Variants in MYO9B observed in about 807,000 individuals in gnomAD.
MYO9B encodes the protein myosin IXB.
In MYO9B, 71 loss-of-function variants were observed where a neutral mutation model predicts 229.5. That is an observed-to-expected ratio of 0.31 (90% CI 0.26 to 0.38). The LOEUF is 0.38. Among genes scored for constraint, MYO9B ranks in the 10% least tolerant of loss-of-function variants. MYO9B has a pLI of 1.00. For missense variants in MYO9B, 2,255 were observed against 2,920.5 expected (o/e 0.77, Z 5.25); for synonymous variants, 1,185 against 1,235.8 (o/e 0.96, Z 0.86).
chr19:17,085,374 C>T (rs541485214), intron 1 of MYO9B, among the ~76,000 whole-genome samples: 3 of 152,002 alleles, frequency 2.0e-5, no homozygotes, highest in South Asian at 2.1e-4. Context: ...GAGCACTCCA[C>T]GTGGAAACTA....
intron 22 of MYO9B, among the ~76,000 whole-genome samples, chr19:17,196,137 G>C (rs1376883461): frequency 2.7e-5 from 3 of 110,662 alleles, no homozygotes; most frequent in Non-Finnish European, 5.6e-5. Context: ...GAGAGGGAAG[G>C]ATGTGTGGGT....
chr19:17,196,734 C>T (rs368556546), intron 22 of MYO9B, among the ~76,000 whole-genome samples: 2 of 147,118 alleles, frequency 1.4e-5, no homozygotes, highest in Non-Finnish European at 3.0e-5. Context: ...TAGATGCCGA[C>T]GATAGATGGA....
At chr19:17,208,058 G>C (rs1199223571) in intron 35 of MYO9B, 1 of 151,210 alleles carries the variant, frequency 6.6e-6, no homozygotes, top group African/African-American at 2.4e-5. Context: ...GGTGGCATGT[G>C]CCTATAATGC....
Position 17,172,104 on chromosome 19 carries a change from C to T in MYO9B, c.1794-232C>T, listed in dbSNP as rs1464496203. The stretch of plus-strand genomic sequence containing the variant: ...GCAGGCAGGCACACCCAGATAGCAG[C>T]GTCCCAGCCCTCTGCCAGCATGTTC... On this transcript the variant is annotated intron_variant, in intron 11 of 39. Transcript: ENST00000682292. The surrounding 1 kb of genome is among the most constrained non-coding windows in gnomAD (Gnocchi z 8.2). Among the ~76,000 whole-genome samples the T allele has an allele frequency of 2.6e-5, 4 of 152,008 alleles. No homozygotes were observed. The highest frequency in any genetic ancestry group is 4.8e-5 in the African/African-American group (2 of 41,350).
At chr19:17,110,521 T>C (rs1315395984) in intron 2 of MYO9B, among the ~76,000 whole-genome samples, 1 of 152,302 alleles carries the variant, frequency 6.6e-6, no homozygotes, top group African/African-American at 2.4e-5. Flanking sequence ...CTCGGTGCCC[T>C]TCTGAGAGCA....
chr19:17,175,820 C>CATT, intron 14 of MYO9B, 79 bp downstream of exon 14: 3 of 591,694 alleles, frequency 5.1e-6, no homozygotes, highest in Non-Finnish European at 8.4e-6. Context: ...GGGAATGCTA[C>CATT]ATTCTTTTTT....
At chr19:17,210,899 A>T in intron 38 of MYO9B, 51 bp downstream of exon 38, 1 of 1,476,436 alleles carries the variant, frequency 6.8e-7, no homozygotes, top group Non-Finnish European at 9.1e-7. Context: ...GGCAAGCTGG[A>T]GTGCAGGTTC....
At chr19:17,141,200 G>A (rs2072334746) in intron 2 of MYO9B, among the ~76,000 whole-genome samples, 1 of 151,890 alleles carries the variant, frequency 6.6e-6, no homozygotes, top group South Asian at 2.1e-4. Context: ...GGAAGATCCT[G>A]TCTCTCTGTG....
intron 1 of MYO9B, among the ~76,000 whole-genome samples, 169 bp downstream of exon 1, chr19:17,076,043 C>T (rs1474201312): frequency 6.8e-6 from 1 of 147,638 alleles, no homozygotes; most frequent in East Asian, 2.0e-4. Flanking sequence ...GAGGTGGAAG[C>T]GAGACGGTGA....
chr19:17,176,144 C>T (rs928322957), intron 14 of MYO9B, among the ~76,000 whole-genome samples: 36 of 152,324 alleles, frequency 2.4e-4, no homozygotes, highest in African/African-American at 8.4e-4. Flanking sequence ...ATTCTCCTTT[C>T]TCAGCCTCCG....
chr19:17,095,096 C>T (rs1043491685), intron 1 of MYO9B, among the ~76,000 whole-genome samples: 2 of 152,032 alleles, frequency 1.3e-5, no homozygotes, highest in Admixed American at 6.6e-5. Flanking sequence ...AAAATTAGCT[C>T]GGTGTGGTGG....
At position 17,194,622 on chromosome 19, in the gene MYO9B, A is replaced by G. The variant is rs755750782; in HGVS notation, c.3195A>G (p.Ala1065=). Residue 1065 remains alanine, a synonymous_variant, in exon 22 of 40, where the codon GCA becomes GCG. Coordinates refer to ENST00000682292, the MANE Select transcript of MYO9B (RefSeq NM_004145.4). ...EEKEREALEA[A]RAGAEEGGQG... is the part of the protein sequence containing the mutation. ...AGGAGAGGGAAGCCCTGGAAGCCGC[A>G]AGAGCAGGTGCTGAGGAGGGCGGAC... 1 of 1,612,910 alleles carries G rather than the reference A, an allele frequency of 6.2e-7. No homozygotes were observed. Among genetic ancestry groups the G allele is most frequent in the Admixed American group, 1.7e-5 (1 of 59,998 alleles).
chr19:17,209,728 G>T lies in MYO9B; in HGVS notation c.5748+19G>T. On this transcript the variant is annotated intron_variant, in intron 36 of 39. Transcript: ENST00000682292. The stretch of plus-strand genomic sequence containing the variant: ...AAATGCTGTGAGTACCGGTGATCGT[G>T]GGGGCGGGACCTCTTTGGTGGGGCG... 2 of 1,610,238 alleles carry T rather than the reference G, an allele frequency of 1.2e-6. No individual in the cohort carries two copies. The highest frequency in any genetic ancestry group is 2.2e-5 in the East Asian group (1 of 44,874).
intron 1 of MYO9B, among the ~76,000 whole-genome samples, chr19:17,084,984 A>G (rs1460686708): frequency 2.6e-5 from 4 of 152,112 alleles, no homozygotes; most frequent in Non-Finnish European, 4.4e-5. Context: ...AGAAACAATG[A>G]TATAGAAGAA....
chr19:17,192,748 C>A lies in MYO9B; in HGVS notation c.2814C>A (p.Val938=). The A allele has an allele frequency of 6.5e-7, 1 of 1,532,512 alleles. No individual in the cohort carries two copies. Among genetic ancestry groups the A allele is most frequent in the South Asian group, 1.2e-5 (1 of 81,618 alleles). The allele number at this position is 1,532,512 out of a possible 1,614,324, so 94.9% of individuals were successfully genotyped here. ...CCACCTGACCCCGTGCCCACCAGGT[C>A]TTCCTGAAGGAGACGGAGCGGCAAG... ...KRNYQIGKTK[V]FLKETERQAL... is the part of the protein sequence containing the mutation. Residue 938 remains valine, a splice_region_variant and synonymous_variant, in exon 21 of 40, where the codon GTC becomes GTA. Coordinates refer to ENST00000682292, the MANE Select transcript of MYO9B (RefSeq NM_004145.4).
chr19:17,184,782 C>A, intron 16 of MYO9B, 83 bp from the exon 17 acceptor site: 1 of 1,584,400 alleles, frequency 6.3e-7, no homozygotes, highest in Non-Finnish European at 8.6e-7. Flanking sequence ...CTGTTCTGCC[C>A]TGGCTTCGGG....
intron 32 of MYO9B, 22 bp from the exon 33 acceptor site, chr19:17,206,226 A>AACCCCCCCCCCCCCCCC: frequency 6.1e-6 from 4 of 654,256 alleles, no homozygotes; most frequent in South Asian, 3.0e-5. Context: ...CGCTCACCAG[A>AACCCCCCCCCCCCCCCC]CCCACCCCAC....
intron 10 of MYO9B, among the ~76,000 whole-genome samples, chr19:17,165,488 T>C (rs537940029): frequency 2.0e-5 from 3 of 151,918 alleles, no homozygotes; most frequent in Non-Finnish European, 4.4e-5. Context: ...GGTAAGAGGA[T>C]TGCTTTAGGT....
chr19:17,126,825 G>A (rs1052608656), intron 2 of MYO9B, among the ~76,000 whole-genome samples: 6 of 150,820 alleles, frequency 4.0e-5, no homozygotes, highest in Non-Finnish European at 5.9e-5. Flanking sequence ...CACCATGCCC[G>A]GCTAATTTTT....
Sources: gnomAD v4.1 joint callset for allele counts (sites outside exome capture counted in the v4.1 genomes callset) on GRCh38, gnomAD v4.1.1 for gene constraint, Gnocchi (gnomAD v3.1) non-coding constraint, MANE v1.5 for transcripts, NCBI Gene and HGNC (gene_info 2026-07-23, HGNC 2026-07-21) for gene names.